FAM81A: variants seen among roughly 807,000 people sequenced by gnomAD.
FAM81A encodes protein FAM81A.
In FAM81A, 19 loss-of-function variants were observed where a neutral mutation model predicts 46.7. The ratio of observed to expected loss-of-function variants is 0.41; its 90% CI spans 0.28 to 0.60. The LOEUF (loss-of-function observed/expected upper bound fraction) is 0.60. Among genes scored for constraint, FAM81A ranks in the 20% least tolerant of loss-of-function variants. FAM81A has a pLI of 0.34. For synonymous variants in FAM81A, 183 were observed against 152.9 expected (o/e 1.20, Z -1.45); for missense variants, 377 against 453.5 (o/e 0.83, Z 1.53).
chr15:59,485,246 A>G (rs1161883898), intron 3 of FAM81A, among the ~76,000 whole-genome samples: 1 of 152,170 alleles, frequency 6.6e-6, no homozygotes, highest in African/African-American at 2.4e-5. Context: ...CTGATTGTAG[A>G]GCCCTAGGGC....
intron 3 of FAM81A, among the ~76,000 whole-genome samples, chr15:59,483,486 C>T (rs1156838599): frequency 6.6e-6 from 1 of 151,778 alleles, no homozygotes; most frequent in Admixed American, 6.6e-5. Context: ...GTATGTTATA[C>T]TTCAAAAAAG....
intron 1 of FAM81A, among the ~76,000 whole-genome samples, chr15:59,458,249 C>T (rs1055540642): frequency 6.6e-6 from 1 of 152,246 alleles, no homozygotes; most frequent in Non-Finnish European, 1.5e-5. Flanking sequence ...GTTTCTCAAG[C>T]TTGAGATGCA....
At chr15:59,418,818 T>C (rs2141548973) in intron 2 of FAM81A, among the ~76,000 whole-genome samples, 1 of 152,322 alleles carries the variant, frequency 6.6e-6, no homozygotes, top group Admixed American at 6.5e-5. Flanking sequence ...TCCTGCAGAA[T>C]GGAGGTGATG....
At chr15:59,407,967 A>C (rs1399850304) in intron 2 of FAM81A, 1 of 165,120 alleles carries the variant, frequency 6.1e-6, no homozygotes, top group Non-Finnish European at 1.3e-5. Flanking sequence ...TTGCCTCTGC[A>C]ACCTGATAAA....
At chr15:59,482,299 G>T (rs1308009726) in intron 3 of FAM81A, among the ~76,000 whole-genome samples, 1 of 152,052 alleles carries the variant, frequency 6.6e-6, no homozygotes, top group Admixed American at 6.5e-5. Flanking sequence ...ATGGGGTTTT[G>T]CTCTTGTCAT....
intron 2 of FAM81A, among the ~76,000 whole-genome samples, chr15:59,412,646 G>T (rs2081126837): frequency 6.6e-6 from 1 of 151,938 alleles, no homozygotes; most frequent in Non-Finnish European, 1.5e-5. Flanking sequence ...AGAATTGCCT[G>T]AGTCCAGGAG....
chr15:59,512,827 C>T (rs1018982135), intron 6 of FAM81A, among the ~76,000 whole-genome samples: 2 of 152,120 alleles, frequency 1.3e-5, no homozygotes, highest in Non-Finnish European at 2.9e-5. Flanking sequence ...GGGAGAGAGT[C>T]CAGGGCAGAA....
chr15:59,438,272 C>A lies in FAM81A; in HGVS notation c.-88C>A, dbSNP rs1419656774. 4.0e-5 allele frequency: 6 copies of A among 150,876 alleles called. No individual in the cohort carries two copies. The South Asian group carries it at 8.3e-4, about 21-fold the overall frequency. 9.3% of individuals were successfully genotyped at this position (150,876 alleles called of 1,614,324 possible). Reference sequence around the variant, plus strand: ...ACATGGGCAGCCGCGGCGCGCCCACCCCCCGCGCCGGTGAGTGCCGCGCTC... The same window carrying A: ...ACATGGGCAGCCGCGGCGCGCCCACACCCCGCGCCGGTGAGTGCCGCGCTC... On this transcript the variant is annotated 5_prime_UTR_variant, in exon 1 of 9. Transcript: ENST00000288228.
chr15:59,480,621 C>T (rs2081838334), intron 3 of FAM81A, among the ~76,000 whole-genome samples: 1 of 152,100 alleles, frequency 6.6e-6, no homozygotes, highest in Admixed American at 6.5e-5. Flanking sequence ...ACTTTCCACC[C>T]TTTAGTTTTT....
At chr15:59,440,061 C>T (rs1049496153) in intron 1 of FAM81A, 3 of 152,216 alleles carry the variant, frequency 2.0e-5, no homozygotes, top group African/African-American at 4.8e-5. Flanking sequence ...GATGCTCTTC[C>T]GCTTCTCCTT....
chr15:59,428,412 G>A (rs1471320309), intron 2 of FAM81A, among the ~76,000 whole-genome samples: 1 of 111,170 alleles, frequency 9.0e-6, no homozygotes, highest in Non-Finnish European at 1.8e-5. Context: ...AATTCTTTTT[G>A]ATATTATTAT....
intron 2 of FAM81A, among the ~76,000 whole-genome samples, chr15:59,404,447 G>T (rs1371438088): frequency 6.6e-6 from 1 of 152,070 alleles, no homozygotes; most frequent in Non-Finnish European, 1.5e-5. Flanking sequence ...AGTTTGGTGA[G>T]AAAGTTTCTA....
intron 1 of FAM81A, chr15:59,401,472 G>T (rs1047036491): frequency 6.5e-6 from 5 of 773,824 alleles, no homozygotes; most frequent in South Asian, 5.8e-5. Flanking sequence ...TTCTTGAAAC[G>T]CAAGCCCATT....
chr15:59,484,961 T>C (rs554890223), intron 3 of FAM81A, among the ~76,000 whole-genome samples: 2 of 152,244 alleles, frequency 1.3e-5, no homozygotes, highest in South Asian at 4.2e-4. Context: ...CCTTGGGCCT[T>C]AGGTGAACAA....
chr15:59,456,989 G>C (rs1369928229), intron 1 of FAM81A, among the ~76,000 whole-genome samples: 1 of 152,172 alleles, frequency 6.6e-6, no homozygotes, highest in African/African-American at 2.4e-5. Flanking sequence ...TGTTTCTTAA[G>C]TTAGGCTATT....
At chr15:59,401,512 T>C in intron 1 of FAM81A, 1 of 747,774 alleles carries the variant, frequency 1.3e-6, no homozygotes, top group East Asian at 2.4e-5. Flanking sequence ...ACTTAGGTGG[T>C]ATTCTTGTAA....
chr15:59,422,505 C>T (rs1298478262), intron 2 of FAM81A, among the ~76,000 whole-genome samples: 1 of 151,924 alleles, frequency 6.6e-6, no homozygotes, highest in Non-Finnish European at 1.5e-5. Flanking sequence ...GAGGTGGAGT[C>T]TCGCTCTGTC....
chr15:59,493,143 G>C (rs945952300), intron 4 of FAM81A, among the ~76,000 whole-genome samples: 9 of 152,224 alleles, frequency 5.9e-5, no homozygotes, highest in Non-Finnish European at 1.3e-4. Flanking sequence ...CCGTCAGCCT[G>C]AGGTGGCAAT....
intron 2 of FAM81A, among the ~76,000 whole-genome samples, chr15:59,411,798 AGCTGAGTCTGGGG>A (rs2081121740): frequency 6.6e-6 from 1 of 152,178 alleles, no homozygotes; most frequent in Non-Finnish European, 1.5e-5. Flanking sequence ...CTGTAGTCCC[AGCTGAGTCTGGGG>A]GCTGAGGCAG....
Sources: allele counts gnomAD v4.1 joint callset (sites outside exome capture counted in the v4.1 genomes callset), GRCh38; gene constraint gnomAD v4.1.1; transcripts MANE v1.5; gene names NCBI Gene and HGNC (gene_info 2026-07-23, HGNC 2026-07-21).